ZNF469: variants seen among roughly 807,000 people sequenced by gnomAD.
The protein encoded by ZNF469 is zinc finger protein 469.
In ZNF469, 1 loss-of-function variant was observed where a neutral mutation model predicts 1.0. That is an observed-to-expected ratio of 1.00 (90% CI 0.35 to 4.73). The LOEUF (loss-of-function observed/expected upper bound fraction) is 4.73, where lower values mean the gene tolerates loss of function less well. Ranked by LOEUF, ZNF469 falls within the 30% of genes most tolerant of loss-of-function variation. The pLI is 0.16. For synonymous variants in ZNF469, 2,703 were observed against 2,363.4 expected (o/e 1.14, Z -4.17); for missense variants, 6,100 against 5,356.3 (o/e 1.14, Z -4.33).
chr16:88,157,374 T>C, the ZNF469 span, among the ~76,000 whole-genome samples: 4 of 152,176 alleles, frequency 2.6e-5, no homozygotes, highest in African/African-American at 9.7e-5. Context: ...GCTCTGAGCC[T>C]CTCTCCTACT....
At chr16:88,377,958 C>T in the ZNF469 span, among the ~76,000 whole-genome samples, 1 of 152,136 alleles carries the variant, frequency 6.6e-6, no homozygotes, top group African/African-American at 2.4e-5. Flanking sequence ...GTCACCACAG[C>T]GTGAGAGGAA....
the ZNF469 span, among the ~76,000 whole-genome samples, chr16:88,350,885 G>A: frequency 3.3e-5 from 5 of 152,206 alleles, no homozygotes; most frequent in African/African-American, 7.2e-5. Context: ...TGGAGCTTCC[G>A]GAAGGACCCA....
chr16:88,127,138 T>C, the ZNF469 span, among the ~76,000 whole-genome samples: 1 of 152,178 alleles, frequency 6.6e-6, no homozygotes, highest in African/African-American at 2.4e-5. Flanking sequence ...TCATGTTTTC[T>C]GGGATGGATT....
chr16:88,354,733 C>A, the ZNF469 span, among the ~76,000 whole-genome samples: 1 of 152,190 alleles, frequency 6.6e-6, no homozygotes, highest in African/African-American at 2.4e-5. Flanking sequence ...GTCTCCCAAG[C>A]GGACCAGGCT....
the ZNF469 span, among the ~76,000 whole-genome samples, chr16:88,360,008 C>A: frequency 6.6e-6 from 1 of 152,164 alleles, no homozygotes; most frequent in Admixed American, 6.5e-5. Flanking sequence ...TATATTGGTT[C>A]TTGATTTTTT....
At chr16:88,405,050 G>A (rs1024493021) in intron 1 of ZNF469, among the ~76,000 whole-genome samples, 56 of 152,234 alleles carry the variant, frequency 3.7e-4, no homozygotes, top group African/African-American at 1.3e-3. Context: ...CAGCCCTCCC[G>A]GAACCACATG....
chr16:88,289,803 ATT>A, the ZNF469 span, among the ~76,000 whole-genome samples: 1 of 152,126 alleles, frequency 6.6e-6, no homozygotes, highest in South Asian at 2.1e-4. Context: ...GCATGGTAGG[ATT>A]TATGGACCAG....
the ZNF469 span, among the ~76,000 whole-genome samples, chr16:88,173,814 A>C: frequency 1.2e-4 from 18 of 152,218 alleles, no homozygotes; most frequent in Admixed American, 1.2e-3. Context: ...AAACTCTAGA[A>C]CATTCAATAA....
chr16:88,341,219 TG>T, the ZNF469 span, among the ~76,000 whole-genome samples: 3 of 152,222 alleles, frequency 2.0e-5, no homozygotes, highest in African/African-American at 4.8e-5. Context: ...CACCAGGTCT[TG>T]GGGTGTCCCT....
chr16:88,281,424 C>G, the ZNF469 span, among the ~76,000 whole-genome samples: 30 of 148,862 alleles, frequency 2.0e-4, no homozygotes, highest in African/African-American at 7.2e-4. Context: ...GACGCTTGGT[C>G]AGTACCATGC....
the ZNF469 span, among the ~76,000 whole-genome samples, chr16:88,121,035 G>A: frequency 1.4e-4 from 21 of 151,802 alleles, no homozygotes; most frequent in African/African-American, 4.1e-4. Context: ...CGAGGCACCC[G>A]CTATGTACTG....
chr16:88,150,632 C>A, the ZNF469 span, among the ~76,000 whole-genome samples: 1 of 152,002 alleles, frequency 6.6e-6, no homozygotes, highest in African/African-American at 2.4e-5. Context: ...TGCAGGTGGT[C>A]TTTGGACCCA....
the ZNF469 span, among the ~76,000 whole-genome samples, chr16:88,140,917 A>G: frequency 6.6e-6 from 1 of 152,198 alleles, no homozygotes; most frequent in African/African-American, 2.4e-5. Flanking sequence ...TGGGTGACAG[A>G]AGGAGACTCT....
At chr16:88,114,170 G>A in the ZNF469 span, among the ~76,000 whole-genome samples, 1 of 150,828 alleles carries the variant, frequency 6.6e-6, no homozygotes, top group Non-Finnish European at 1.5e-5. Flanking sequence ...TGACTGCGGG[G>A]GTCTCGGGGG....
the ZNF469 span, among the ~76,000 whole-genome samples, chr16:88,354,645 T>A: frequency 6.6e-6 from 1 of 151,998 alleles, no homozygotes; most frequent in Non-Finnish European, 1.5e-5. Flanking sequence ...CCAGCTCAAA[T>A]GGAATCGAGG....
intron 1 of ZNF469, among the ~76,000 whole-genome samples, chr16:88,412,674 C>T (rs551074186): frequency 1.1e-3 from 161 of 152,296 alleles, no homozygotes; most frequent in Admixed American, 2.5e-3. Context: ...TCCCCACACT[C>T]GGTCAATATA....
chr16:88,204,768 C>A, the ZNF469 span, among the ~76,000 whole-genome samples: 1 of 152,160 alleles, frequency 6.6e-6, no homozygotes, highest in African/African-American at 2.4e-5. Flanking sequence ...TCTAAAGGGT[C>A]CTGGAGTGGG....
chr16:88,175,682 T>C, the ZNF469 span, among the ~76,000 whole-genome samples: 130,302 of 152,234 alleles, frequency 0.86, 56,508 homozygotes, highest in East Asian at 1. Context: ...TGTATAGAGT[T>C]CAGTTAAAGC....
At chr16:88,230,744 T>G in the ZNF469 span, among the ~76,000 whole-genome samples, 1 of 151,214 alleles carries the variant, frequency 6.6e-6, no homozygotes, top group Admixed American at 6.6e-5. Context: ...CCTAGAGGAG[T>G]GGAACATGGA....
Sources: gnomAD v4.1 joint callset for allele counts (sites outside exome capture counted in the v4.1 genomes callset) on GRCh38, gnomAD v4.1.1 for gene constraint, MANE v1.5 for transcripts, NCBI Gene and HGNC (gene_info 2026-07-23, HGNC 2026-07-21) for gene names.